ABR: variants seen among roughly 807,000 people sequenced by gnomAD.
ABR encodes the protein active breakpoint cluster region-related protein.
Under a neutral mutation model 107.2 loss-of-function variants are expected in ABR, and 35 were observed. The ratio of observed to expected loss-of-function variants is 0.33; its 90% CI spans 0.25 to 0.43. The LOEUF (loss-of-function observed/expected upper bound fraction) is 0.43. Ranked by LOEUF, ABR falls within the 20% of genes least tolerant of loss-of-function variation. The pLI, the probability that ABR is intolerant of heterozygous loss-of-function variation, is 1.00. For missense variants in ABR, 815 were observed against 1,115.2 expected (o/e 0.73, Z 3.83); for synonymous variants, 498 against 462.0 (o/e 1.08, Z -1.00).
intron 1 of ABR, among the ~76,000 whole-genome samples, chr17:1,215,717 G>C (rs886874544): frequency 6.6e-6 from 1 of 151,740 alleles, no homozygotes; most frequent in East Asian, 1.9e-4. Context: ...TGACGATGGC[G>C]GTTTTGTCGA....
At chr17:1,077,322 G>A (rs1040547311) in intron 6 of ABR, among the ~76,000 whole-genome samples, 3 of 152,152 alleles carry the variant, frequency 2.0e-5, no homozygotes, top group Non-Finnish European at 2.9e-5. Flanking sequence ...GTATCACGGA[G>A]ACCGAAGCAA....
Position 1,005,611 on chromosome 17 carries a change from AC to A in ABR, c.*468del. On this transcript the variant is annotated 3_prime_UTR_variant, in exon 23 of 23. Coordinates refer to ENST00000302538, the MANE Select transcript of ABR (RefSeq NM_021962.5). ...GGGAAGGAAGAGCGGGTGGAGGAAG[AC>A]TGAGGGGAGGCTGCCAGGAGACCGC... The A allele has an allele frequency of 5.0e-6, 1 of 200,942 alleles. No homozygotes were observed. The highest frequency in any genetic ancestry group is 1.0e-5 in the Non-Finnish European group (1 of 99,508). 12.4% of individuals were successfully genotyped at this position (200,942 alleles called of 1,614,324 possible).
chr17:1,086,173 A>C (rs2036579879), intron 4 of ABR, among the ~76,000 whole-genome samples: 1 of 152,178 alleles, frequency 6.6e-6, no homozygotes, highest in Non-Finnish European at 1.5e-5. Context: ...GGTGGGTATT[A>C]GAAAATGTGA....
intron 1 of ABR, among the ~76,000 whole-genome samples, chr17:1,130,859 G>A (rs1194990532): frequency 6.6e-6 from 1 of 152,222 alleles, no homozygotes; most frequent in African/African-American, 2.4e-5. Context: ...ACCAGACACT[G>A]AAAGAGGGGA....
chr17:1,134,381 C>T (rs1235123497), intron 1 of ABR, among the ~76,000 whole-genome samples: 1 of 151,960 alleles, frequency 6.6e-6, no homozygotes, highest in Admixed American at 6.6e-5. Context: ...CACTGCACTC[C>T]AGCCGGGGCA....
At position 1,015,728 on chromosome 17, in the gene ABR, G is replaced by A. The variant is rs367757476; in HGVS notation, c.1792-2564C>T. On this transcript the variant is annotated intron_variant, in intron 16 of 22. Transcript: ENST00000302538. Reference sequence around the variant, plus strand: ...CCGCCTCGGTCTCCCAAAGTGCTGGGATTACAGGCGTGAGCCACCGCGCCT... The same window carrying A: ...CCGCCTCGGTCTCCCAAAGTGCTGGAATTACAGGCGTGAGCCACCGCGCCT... Among the ~76,000 whole-genome samples the A allele has an allele frequency of 4.8e-3, 725 of 152,258 alleles. 3 individuals are homozygous for A. Among genetic ancestry groups the A allele is most frequent in the African/African-American group, 0.016 (647 of 41,544 alleles).
intron 18 of ABR, 35 bp downstream of exon 18, chr17:1,012,653 G>A (rs368554003): frequency 2.9e-4 from 444 of 1,513,488 alleles, no homozygotes; most frequent in African/African-American, 1.4e-3. Context: ...CCGGGGCACC[G>A]ACGCCAGGAC....
rs1567625695 is a variant in ABR, at chr17:1,037,038, C to CCTT, written c.1791+13011_1791+13012insAAG. ...ATCCTTCCTTCCTTCCATCCATCCA[C>CCTT]CCATCCATCCATCCATCCACCCATC... On this transcript the variant is annotated intron_variant, in intron 16 of 22. Coordinates refer to ENST00000302538, the MANE Select transcript of ABR (RefSeq NM_021962.5). This position sits in a 1 kb window ranked among gnomAD's most constrained non-coding sequence, Gnocchi z 4.6. Among the ~76,000 whole-genome samples the CCTT allele has an allele frequency of 1.1e-3, 150 of 134,236 alleles. 5 individuals carry two copies. In the East Asian group the frequency reaches 0.03, roughly 27 times the overall value. The allele number at this position is 134,236 out of a possible 152,430, so 88.1% of individuals were successfully genotyped here. A position where few individuals can be genotyped will look rare whatever the true frequency, so the allele number is the denominator to read the frequency against.
At chr17:1,091,217 T>G (rs375304962) in intron 4 of ABR, among the ~76,000 whole-genome samples, 83 of 152,146 alleles carry the variant, frequency 5.5e-4, no homozygotes, top group African/African-American at 2.0e-3. Flanking sequence ...CTCTGTTCAC[T>G]GAGGGACAGG....
At chr17:1,048,973 A>G (rs1234154577) in intron 16 of ABR, among the ~76,000 whole-genome samples, 1 of 152,188 alleles carries the variant, frequency 6.6e-6, no homozygotes, top group African/African-American at 2.4e-5. Flanking sequence ...ACGAGGCCAC[A>G]CGAGGTACCA....
At chr17:1,225,817 T>G (rs746140240) in intron 1 of ABR, among the ~76,000 whole-genome samples, 3 of 152,152 alleles carry the variant, frequency 2.0e-5, no homozygotes, top group Non-Finnish European at 4.4e-5. Context: ...GAGGTGCTTA[T>G]TAGCCTCAGT....
At chr17:1,014,366 G>A (rs368896918) in intron 16 of ABR, among the ~76,000 whole-genome samples, 3,157 of 132,468 alleles carry the variant, frequency 0.024, 73 homozygotes, top group South Asian at 0.055. Context: ...GCGTGAACCC[G>A]GGAGGCAGAG....
chr17:1,042,184 G>A (rs1402138473), intron 16 of ABR, among the ~76,000 whole-genome samples: 1 of 151,520 alleles, frequency 6.6e-6, no homozygotes, highest in East Asian at 1.9e-4. Context: ...ACGGACAGAC[G>A]GATAAACAGA....
intron 12 of ABR, among the ~76,000 whole-genome samples, chr17:1,057,564 G>A (rs759011570): frequency 2.6e-5 from 4 of 151,504 alleles, no homozygotes; most frequent in African/African-American, 7.3e-5. Flanking sequence ...TTTTAGTAGA[G>A]ACGGGGTTTC....
chr17:1,050,299 C>G lies in ABR; in HGVS notation c.1660-118G>C. ...GAGTAAGCACGGCCCACGAAGGACACGTCAGATTTTCTGGAGCTCCCAGAG... is the reference window on the plus strand; with the variant it reads ...GAGTAAGCACGGCCCACGAAGGACAGGTCAGATTTTCTGGAGCTCCCAGAG... On this transcript the variant is annotated intron_variant, in intron 15 of 22. Transcript: ENST00000302538. This position sits in a 1 kb window ranked among gnomAD's most constrained non-coding sequence, Gnocchi z 4.6. 1.5e-6 allele frequency: 2 copies of G among 1,348,882 alleles called. No homozygotes were observed. The highest frequency in any genetic ancestry group is 2.0e-6 in the Non-Finnish European group (2 of 997,290). The allele number at this position is 1,348,882 out of a possible 1,614,324, so 83.6% of individuals were successfully genotyped here. A position where few individuals can be genotyped will look rare whatever the true frequency, so the allele number is the denominator to read the frequency against.
In ABR at chr17:1,154,075, G is replaced by T. The variant is rs1177198787; in HGVS notation, c.61+25592C>A. 1.9e-5 allele frequency: 3 copies of T among 154,026 alleles called. No individual in the cohort carries two copies. The highest frequency in any genetic ancestry group is 7.2e-5 in the African/African-American group (3 of 41,450). 9.5% of individuals were successfully genotyped at this position (154,026 alleles called of 1,614,324 possible). ...CGAAGAGGGAGGAGGTGGGCACGCA[G>T]CCCACAGAAATCTCAGCTTCCCCCA... On this transcript the variant is annotated intron_variant, in intron 1 of 22. Coordinates refer to ENST00000302538, the MANE Select transcript of ABR (RefSeq NM_021962.5). The surrounding 1 kb of genome is among the most constrained non-coding windows in gnomAD (Gnocchi z 4.0).
chr17:1,164,402 GACCCCA>G (rs1473050498), intron 1 of ABR, among the ~76,000 whole-genome samples: 17 of 143,420 alleles, frequency 1.2e-4, no homozygotes, highest in African/African-American at 4.5e-4. Flanking sequence ...CAGACGCAGG[GACCCCA>G]GATAAACTGC....
At position 1,027,082 on chromosome 17, in the gene ABR, T is replaced by A. The variant is rs1313819954; in HGVS notation, c.1792-13918A>T. On this transcript the variant is annotated intron_variant, in intron 16 of 22. Coordinates refer to ENST00000302538, the MANE Select transcript of ABR (RefSeq NM_021962.5). The surrounding 1 kb of genome is among the most constrained non-coding windows in gnomAD (Gnocchi z 4.7). ...AGCTCCCCCAGCCACACCTGCAGGC[T>A]TGGGGGCTCCTTCCAAAATGTCTGG... Among the ~76,000 whole-genome samples, 1 of 152,074 alleles carries A rather than the reference T, an allele frequency of 6.6e-6. No homozygotes were observed. Among genetic ancestry groups the A allele is most frequent in the Non-Finnish European group, 1.5e-5 (1 of 68,012 alleles).
chr17:1,168,027 C>T (rs943764663), intron 1 of ABR, among the ~76,000 whole-genome samples: 3 of 152,202 alleles, frequency 2.0e-5, no homozygotes, highest in African/African-American at 7.2e-5. Flanking sequence ...TGGCGCACGC[C>T]TGTAATCCCA....
Sources: gnomAD v4.1 joint callset for allele counts (sites outside exome capture counted in the v4.1 genomes callset) on GRCh38, gnomAD v4.1.1 for gene constraint, Gnocchi (gnomAD v3.1) non-coding constraint, MANE v1.5 for transcripts, NCBI Gene and HGNC (gene_info 2026-07-23, HGNC 2026-07-21) for gene names.